Variants in BRAF observed in about 807,000 individuals in gnomAD.
BRAF encodes the protein B-Raf proto-oncogene, serine/threonine kinase.
BRAF carries 16 observed loss-of-function variants against 104.6 expected under a neutral mutation model. That is an observed-to-expected ratio of 0.15 (90% CI 0.10 to 0.23). BRAF has a LOEUF of 0.23. Ranked by LOEUF, BRAF falls within the 10% of genes least tolerant of loss-of-function variation. The pLI, the probability that BRAF is intolerant of heterozygous loss-of-function variation, is 1.00. For synonymous variants in BRAF, 310 were observed against 341.6 expected, an observed-to-expected ratio of 0.91 and a Z score of 1.02; for missense variants, 541 against 937.3, an observed-to-expected ratio of 0.58 and a Z score of 5.52.
intron 5 of BRAF, among the ~76,000 whole-genome samples, chr7:140,802,856 C>T (rs1161626106): frequency 6.6e-6 from 1 of 152,076 alleles, no homozygotes; most frequent in African/African-American, 2.4e-5. Flanking sequence ...CAATGTTTAT[C>T]ATAAAAGTCT....
At chr7:140,912,316 G>A (rs184319567) in intron 1 of BRAF, among the ~76,000 whole-genome samples, 47 of 152,234 alleles carry the variant, frequency 3.1e-4, no homozygotes, top group Non-Finnish European at 5.6e-4. Flanking sequence ...GCAACAGAAC[G>A]TGTACAGACT....
At chr7:140,818,216 T>C (rs892793430) in intron 3 of BRAF, among the ~76,000 whole-genome samples, 2 of 152,158 alleles carry the variant, frequency 1.3e-5, no homozygotes, top group South Asian at 2.1e-4. Flanking sequence ...ATGTATAATA[T>C]GAAGCAAATA....
At chr7:140,880,665 A>C (rs1312189246) in intron 1 of BRAF, among the ~76,000 whole-genome samples, 1 of 152,216 alleles carries the variant, frequency 6.6e-6, no homozygotes, top group East Asian at 1.9e-4. Flanking sequence ...AAGAATTGAA[A>C]GTCAAAATTA....
intron 10 of BRAF, among the ~76,000 whole-genome samples, chr7:140,784,563 A>G (rs562562102): frequency 1.3e-5 from 2 of 152,352 alleles, no homozygotes; most frequent in East Asian, 3.9e-4. Flanking sequence ...TACTACATTC[A>G]GAATATATAA....
chr7:140,923,781 G>A (rs1818528356), intron 1 of BRAF, among the ~76,000 whole-genome samples: 1 of 152,170 alleles, frequency 6.6e-6, no homozygotes, highest in Non-Finnish European at 1.5e-5. Context: ...GCCTCAAGAG[G>A]ACCAGGGTAA....
intron 13 of BRAF, among the ~76,000 whole-genome samples, chr7:140,777,355 T>A (rs1250006715): frequency 1.3e-5 from 2 of 152,216 alleles, no homozygotes; most frequent in Non-Finnish European, 2.9e-5. Context: ...CATCACTCAG[T>A]TGTAGCTGAC....
Position 140,863,075 on chromosome 7 carries a change from C to T in BRAF, c.139-12863G>A, listed in dbSNP as rs543157459. Among the ~76,000 whole-genome samples the T allele has an allele frequency of 2.0e-5, 3 of 152,116 alleles. No individual in the cohort carries two copies. The South Asian group carries it at 6.2e-4, about 32-fold the overall frequency. On this transcript the variant is annotated intron_variant, in intron 1 of 19. Transcript: ENST00000644969. Reference sequence around the variant, plus strand: ...ATCTGAAAACATTTCTATCTTTTGACCTAGCAATTCCACTTCTAAGAATTT... The same window carrying T: ...ATCTGAAAACATTTCTATCTTTTGATCTAGCAATTCCACTTCTAAGAATTT...
intron 1 of BRAF, among the ~76,000 whole-genome samples, chr7:140,884,790 T>G (rs1813368972): frequency 6.6e-6 from 1 of 152,032 alleles, no homozygotes; most frequent in Non-Finnish European, 1.5e-5. Context: ...TAGAAAGCTT[T>G]TATCTATGTA....
chr7:140,845,406 CCACA>C (rs1808437732), intron 2 of BRAF, among the ~76,000 whole-genome samples: 2 of 151,902 alleles, frequency 1.3e-5, no homozygotes, highest in Admixed American at 1.3e-4. Flanking sequence ...AAAAGGGAAC[CCACA>C]CAATGGGAAA....
intron 1 of BRAF, among the ~76,000 whole-genome samples, chr7:140,890,195 G>A (rs1008217294): frequency 6.6e-6 from 1 of 152,156 alleles, no homozygotes; most frequent in Non-Finnish European, 1.5e-5. Flanking sequence ...AATCCTCAGT[G>A]ACTGGCACAA....
chr7:140,899,210 C>G (rs576163487), intron 1 of BRAF, among the ~76,000 whole-genome samples: 3 of 143,320 alleles, frequency 2.1e-5, no homozygotes, highest in South Asian at 2.5e-4. Context: ...CCCACCCCCC[C>G]ACCCCTCAGC....
rs1795441347 is a variant in BRAF, at chr7:140,723,775, C to T, written c.*2719G>A. The T allele has an allele frequency of 9.5e-7, 1 of 1,048,764 alleles. No individual in the cohort carries two copies. The allele number at this position is 1,048,764 out of a possible 1,614,324, so 65.0% of individuals were successfully genotyped here. A position where few individuals can be genotyped will look rare whatever the true frequency, so the allele number is the denominator to read the frequency against. ...TACAGACAAGACTGTTACACCCTTA[C>T]AAGATGATCAGTGACGCAGCCACAT... On this transcript the variant is annotated 3_prime_UTR_variant, in exon 20 of 20. Transcript: ENST00000644969.
intron 1 of BRAF, among the ~76,000 whole-genome samples, chr7:140,870,760 G>C (rs1488806791): frequency 1.3e-5 from 2 of 150,968 alleles, no homozygotes; most frequent in Non-Finnish European, 2.9e-5. Flanking sequence ...GAACCTACAT[G>C]ACTATCACTC....
chr7:140,726,662 C>G, intron 19 of BRAF: 1 of 710,986 alleles, frequency 1.4e-6, no homozygotes, highest in South Asian at 1.7e-5. Context: ...AAAGCAAAAA[C>G]GGCTGAAACC....
intron 1 of BRAF, among the ~76,000 whole-genome samples, chr7:140,900,453 T>C (rs1397177799): frequency 6.6e-6 from 1 of 152,234 alleles, no homozygotes; most frequent in Non-Finnish European, 1.5e-5. Flanking sequence ...TTTAATATGG[T>C]AGGCATTGTT....
At chr7:140,780,503 A>T (rs1800766935) in intron 12 of BRAF, 2 of 152,158 alleles carry the variant, frequency 1.3e-5, no homozygotes, top group Non-Finnish European at 2.9e-5. Flanking sequence ...CGGCCTCCCA[A>T]AGTGCTGGGA....
intron 1 of BRAF, among the ~76,000 whole-genome samples, chr7:140,886,588 TC>T (rs1321397756): frequency 6.6e-6 from 1 of 152,210 alleles, no homozygotes; most frequent in African/African-American, 2.4e-5. Context: ...CCTGGAACAC[TC>T]TTTGCCTAGC....
At chr7:140,766,386 A>G (rs1799321260) in intron 14 of BRAF, among the ~76,000 whole-genome samples, 1 of 152,126 alleles carries the variant, frequency 6.6e-6, no homozygotes, top group African/African-American at 2.4e-5. Flanking sequence ...ACATGTATAC[A>G]TATGTTACTA....
At chr7:140,874,495 T>C (rs1226062907) in intron 1 of BRAF, among the ~76,000 whole-genome samples, 1 of 138,716 alleles carries the variant, frequency 7.2e-6, no homozygotes, top group Admixed American at 7.7e-5. Flanking sequence ...CCACCGCGAC[T>C]GGCCTAAAAA....
Sources: allele counts gnomAD v4.1 joint callset (sites outside exome capture counted in the v4.1 genomes callset), GRCh38; gene constraint gnomAD v4.1.1; transcripts MANE v1.5; gene names NCBI Gene and HGNC (gene_info 2026-07-23, HGNC 2026-07-21).